HDAC9: variants seen among roughly 807,000 people sequenced by gnomAD.
HDAC9 encodes histone deacetylase 9.
Under a neutral mutation model 139.4 loss-of-function variants are expected in HDAC9, and 41 were observed. The observed-to-expected ratio is 0.29, with a 90% CI of 0.23 to 0.38. The LOEUF is 0.38. Ranked by LOEUF, HDAC9 falls within the 10% of genes least tolerant of loss-of-function variation. The pLI, the probability that HDAC9 is intolerant of heterozygous loss-of-function variation, is 1.00. For missense variants in HDAC9, 1,147 were observed against 1,297.0 expected (o/e 0.88, Z 1.78); for synonymous variants, 517 against 476.2 (o/e 1.09, Z -1.12).
At chr7:18,969,370 G>C (rs764231150) in intron 24 of HDAC9, among the ~76,000 whole-genome samples, 6 of 152,130 alleles carry the variant, frequency 3.9e-5, no homozygotes, top group Non-Finnish European at 7.4e-5. Context: ...CTAACACAGT[G>C]TACAAGTGAG....
At chr7:18,655,366 A>G (rs1434510696) in intron 11 of HDAC9, among the ~76,000 whole-genome samples, 4 of 152,162 alleles carry the variant, frequency 2.6e-5, no homozygotes, top group African/African-American at 9.6e-5. Context: ...CTCCTAGATT[A>G]TTTATCTATC....
chr7:18,838,182 A>G (rs1796360890), intron 21 of HDAC9, among the ~76,000 whole-genome samples: 1 of 152,050 alleles, frequency 6.6e-6, no homozygotes, highest in Admixed American at 6.6e-5. Context: ...CCATCATTGA[A>G]CACATATTAT....
At chr7:18,640,719 C>G (rs1286479126) in intron 8 of HDAC9, among the ~76,000 whole-genome samples, 4 of 151,958 alleles carry the variant, frequency 2.6e-5, no homozygotes, top group Admixed American at 1.3e-4. Flanking sequence ...CATTTTCTTG[C>G]TTTTATCACT....
chr7:18,921,778 C>T (rs62448104), intron 22 of HDAC9, among the ~76,000 whole-genome samples: 20 of 152,084 alleles, frequency 1.3e-4, no homozygotes, highest in Admixed American at 1.2e-3. Context: ...CACATGTACA[C>T]GTATGTTTAT....
At chr7:18,935,301 A>C (rs933485012) in intron 22 of HDAC9, among the ~76,000 whole-genome samples, 9 of 152,204 alleles carry the variant, frequency 5.9e-5, no homozygotes, top group Non-Finnish European at 1.3e-4. Flanking sequence ...TCATAATAAA[A>C]TAATGCTTAT....
intron 19 of HDAC9, among the ~76,000 whole-genome samples, chr7:18,831,423 C>G (rs1234580473): frequency 6.6e-6 from 1 of 152,152 alleles, no homozygotes. Flanking sequence ...AAATAAGTTA[C>G]TTGGTAGCTC....
chr7:18,298,664 A>G (rs916728115), intron 1 of HDAC9, among the ~76,000 whole-genome samples: 2 of 152,172 alleles, frequency 1.3e-5, no homozygotes, highest in East Asian at 1.9e-4. Context: ...TTTCCAGTCA[A>G]TGAACTTTCT....
At chr7:18,434,986 A>G (rs1301846182) in intron 1 of HDAC9, among the ~76,000 whole-genome samples, 1 of 150,580 alleles carries the variant, frequency 6.6e-6, no homozygotes, top group Non-Finnish European at 1.5e-5. Flanking sequence ...ATGTGTAATC[A>G]ACCTATATGT....
intron 25 of HDAC9, among the ~76,000 whole-genome samples, chr7:18,981,380 G>A (rs776610188): frequency 2.0e-5 from 3 of 152,158 alleles, no homozygotes; most frequent in South Asian, 4.1e-4. Flanking sequence ...TCCTCAAAAC[G>A]TTCACATACC....
At chr7:18,437,772 A>C (rs1791347433) in intron 1 of HDAC9, among the ~76,000 whole-genome samples, 1 of 151,520 alleles carries the variant, frequency 6.6e-6, no homozygotes, top group Non-Finnish European at 1.5e-5. Flanking sequence ...TTAAAAGTTT[A>C]GTCCCAAAAA....
chr7:18,451,641 A>G (rs1792878061), intron 1 of HDAC9, among the ~76,000 whole-genome samples: 1 of 151,824 alleles, frequency 6.6e-6, no homozygotes, highest in African/African-American at 2.4e-5. Flanking sequence ...AGAGGTATCC[A>G]CTGATTTATG....
At chr7:18,772,052 C>T (rs1388325183) in intron 16 of HDAC9, among the ~76,000 whole-genome samples, 1 of 152,108 alleles carries the variant, frequency 6.6e-6, no homozygotes, top group East Asian at 1.9e-4. Context: ...ACAGCCTAGC[C>T]ATTGGGCTGG....
intron 22 of HDAC9, among the ~76,000 whole-genome samples, chr7:18,878,431 C>T (rs775666104): frequency 6.6e-6 from 1 of 152,100 alleles, no homozygotes; most frequent in Non-Finnish European, 1.5e-5. Flanking sequence ...ATGTGAAATA[C>T]ATTCCTTTAA....
intron 2 of HDAC9, chr7:18,509,142 A>G (rs1284503499): frequency 8.6e-6 from 3 of 346,966 alleles, no homozygotes; most frequent in African/African-American, 6.7e-5. Context: ...TAGGTTGGAC[A>G]AACATTTTTG....
At chr7:18,366,922 G>A (rs1784227260) in intron 1 of HDAC9, among the ~76,000 whole-genome samples, 1 of 151,934 alleles carries the variant, frequency 6.6e-6, no homozygotes, top group African/African-American at 2.4e-5. Context: ...AAATGCTTTG[G>A]ATGAAGTATG....
At chr7:18,233,695 C>G (rs1357704541) in intron 2 of HDAC9, among the ~76,000 whole-genome samples, 2 of 152,128 alleles carry the variant, frequency 1.3e-5, no homozygotes, top group Non-Finnish European at 2.9e-5. Flanking sequence ...ACGGAGCACA[C>G]ACAGACCTTC....
intron 1 of HDAC9, among the ~76,000 whole-genome samples, chr7:18,144,966 C>T (rs1248443348): frequency 2.0e-5 from 3 of 152,208 alleles, no homozygotes; most frequent in Non-Finnish European, 2.9e-5. Flanking sequence ...TTCTGTTCCT[C>T]CTGTAGAAGT....
intron 22 of HDAC9, among the ~76,000 whole-genome samples, chr7:18,891,888 G>T (rs145528103): frequency 6.6e-6 from 1 of 152,110 alleles, no homozygotes; most frequent in Non-Finnish European, 1.5e-5. Context: ...CCCTCTGGGG[G>T]TGATCTATTT....
In HDAC9 at chr7:18,732,498, T is replaced by C. The variant is rs928626102; in HGVS notation, c.1909+4741T>C. Among the ~76,000 whole-genome samples, 8 of 151,346 alleles carry C rather than the reference T, an allele frequency of 5.3e-5. No homozygotes were observed. The South Asian group carries it at 1.0e-3, about 20-fold the overall frequency. ...TATACAGTGTATATATGTGTATATA[T>C]GTGTATATACATATATACACTGTAT... On this transcript the variant is annotated intron_variant, in intron 13 of 25. Transcript: ENST00000686413.
Sources: allele counts gnomAD v4.1 joint callset (sites outside exome capture counted in the v4.1 genomes callset), GRCh38; gene constraint gnomAD v4.1.1; transcripts MANE v1.5; gene names NCBI Gene and HGNC (gene_info 2026-07-23, HGNC 2026-07-21).